The following GNA13 variants were observed in gnomAD, a reference collection of about 807,000 sequenced individuals.
GNA13 encodes G protein subunit alpha 13, also known as guanine nucleotide-binding protein subunit alpha-13.
Under a neutral mutation model 33.5 loss-of-function variants are expected in GNA13, and 4 were observed. That is an observed-to-expected ratio of 0.12 (90% CI 0.06 to 0.27). GNA13 has a LOEUF of 0.27. Ranked by LOEUF, GNA13 falls within the 10% of genes least tolerant of loss-of-function variation. GNA13 has a pLI of 1.00. For missense variants in GNA13, 319 were observed against 487.2 expected (o/e 0.65, Z 3.25); for synonymous variants, 176 against 183.8 (o/e 0.96, Z 0.34).
At chr17:65,048,070 G>A (rs1026808693) in intron 2 of GNA13, among the ~76,000 whole-genome samples, 13 of 152,144 alleles carry the variant, frequency 8.5e-5, no homozygotes, top group African/African-American at 2.9e-4. Context: ...TTCAGGAATT[G>A]CAAAGACAGA....
At chr17:65,056,076 C>CCGGGGAGACAAGCGGGAGAG (rs1191983594) in intron 1 of GNA13, among the ~76,000 whole-genome samples, 51 of 152,068 alleles carry the variant, frequency 3.4e-4, no homozygotes, top group Non-Finnish European at 5.7e-4. Flanking sequence ...GTGACGCCCA[C>CCGGGGAGACAAGCGGGAGAG]CGGGGAGACA....
In GNA13 at chr17:65,056,068, G is replaced by C. The variant is rs1257487833; in HGVS notation, c.283+243C>G. ...CGGTGGGGGGTGGGGGAATGGCCGT[G>C]ACGCCCACCGGGGAGACAAGCGGGA... On this transcript the variant is annotated intron_variant, in intron 1 of 3. Coordinates refer to ENST00000439174, the MANE Select transcript of GNA13 (RefSeq NM_006572.6). Among the ~76,000 whole-genome samples, 4 of 152,206 alleles carry C rather than the reference G, an allele frequency of 2.6e-5. No homozygotes were observed. In the East Asian group the frequency reaches 7.8e-4, roughly 30 times the overall value.
chr17:65,033,412 A>T (rs1907124786), intron 2 of GNA13, among the ~76,000 whole-genome samples: 1 of 152,072 alleles, frequency 6.6e-6, no homozygotes, highest in Non-Finnish European at 1.5e-5. Flanking sequence ...GCCTGAGCCC[A>T]GATGTGCAAG....
chr17:65,043,483 T>C (rs975577085), intron 2 of GNA13, among the ~76,000 whole-genome samples: 4 of 152,144 alleles, frequency 2.6e-5, no homozygotes, highest in Admixed American at 1.3e-4. Flanking sequence ...GGCAGGCTTT[T>C]AGCATGTTGC....
intron 2 of GNA13, among the ~76,000 whole-genome samples, chr17:65,050,698 T>C (rs1907830857): frequency 6.6e-6 from 1 of 152,028 alleles, no homozygotes; most frequent in Admixed American, 6.6e-5. Flanking sequence ...AACAGGGCAC[T>C]CCAGCCTGGG....
At chr17:65,023,381 A>C (rs1220130793) in intron 2 of GNA13, among the ~76,000 whole-genome samples, 2 of 152,208 alleles carry the variant, frequency 1.3e-5, no homozygotes, top group Non-Finnish European at 2.9e-5. Flanking sequence ...AAATTCTGAC[A>C]CAGTTCGATG....
At chr17:65,021,734 T>A (rs567692181) in intron 2 of GNA13, among the ~76,000 whole-genome samples, 1 of 152,264 alleles carries the variant, frequency 6.6e-6, no homozygotes, top group Non-Finnish European at 1.5e-5. Context: ...GCAACTCTGC[T>A]TATAGAAAAT....
At chr17:65,038,294 T>C (rs985030796) in intron 2 of GNA13, among the ~76,000 whole-genome samples, 1 of 152,070 alleles carries the variant, frequency 6.6e-6, no homozygotes, top group African/African-American at 2.4e-5. Flanking sequence ...TCTCAGCTAC[T>C]TGGGAAGCTG....
At chr17:65,048,534 C>T (rs112149265) in intron 2 of GNA13, among the ~76,000 whole-genome samples, 20 of 152,190 alleles carry the variant, frequency 1.3e-4, no homozygotes, top group Middle Eastern at 3.4e-3. Flanking sequence ...TAGAAAGGTA[C>T]CTTAAGTTAT....
chr17:65,027,005 C>T (rs1486496064), intron 2 of GNA13, among the ~76,000 whole-genome samples: 4 of 152,032 alleles, frequency 2.6e-5, no homozygotes, highest in Non-Finnish European at 4.4e-5. Context: ...CTCGAACTCC[C>T]GGCCTCAGGT....
intron 2 of GNA13, among the ~76,000 whole-genome samples, chr17:65,031,896 A>AGAG (rs1907040820): frequency 2.5e-3 from 180 of 71,430 alleles, no homozygotes; most frequent in East Asian, 9.1e-3. Context: ...GAGAGAGAGA[A>AGAG]AGAGAGAGAG....
chr17:65,039,227 T>G (rs1907371324), intron 2 of GNA13, among the ~76,000 whole-genome samples: 1 of 152,230 alleles, frequency 6.6e-6, no homozygotes, highest in Non-Finnish European at 1.5e-5. Context: ...TGAATCCATT[T>G]TCTTCTCTTA....
chr17:65,056,614 C>T lies in GNA13; in HGVS notation c.-21G>A, dbSNP rs1908073478. The stretch of plus-strand genomic sequence containing the variant: ...GCCATCTTGCCGCCGCCGCCGCCGC[C>T]TCGGCGGGCCCCTCCGGCTCCCTCC... On this transcript the variant is annotated 5_prime_UTR_variant, in exon 1 of 4. Transcript: ENST00000439174. 1.9e-6 allele frequency: 3 copies of T among 1,586,224 alleles called. No homozygotes were observed. The highest frequency in any genetic ancestry group is 3.4e-4 in the Middle Eastern group (2 of 5,956).
intron 2 of GNA13, among the ~76,000 whole-genome samples, chr17:65,018,618 T>C (rs1906468650): frequency 6.6e-6 from 1 of 152,208 alleles, no homozygotes; most frequent in South Asian, 2.1e-4. Flanking sequence ...AATTAGAAGA[T>C]GAAAACTGCT....
intron 2 of GNA13, among the ~76,000 whole-genome samples, chr17:65,050,177 G>C (rs2143828354): frequency 6.6e-6 from 1 of 152,282 alleles, no homozygotes. Flanking sequence ...TGGAGTCCAA[G>C]CAAGAGGTAG....
chr17:65,046,698 C>A (rs1045222338), intron 2 of GNA13, among the ~76,000 whole-genome samples: 6 of 152,164 alleles, frequency 3.9e-5, no homozygotes, highest in Admixed American at 3.3e-4. Flanking sequence ...AGTAAGCTCA[C>A]AAACCTTTTT....
chr17:65,016,268 CT>C (rs1906364144), intron 3 of GNA13, among the ~76,000 whole-genome samples: 1 of 152,212 alleles, frequency 6.6e-6, no homozygotes, highest in African/African-American at 2.4e-5. Flanking sequence ...CAATGCTGCA[CT>C]TTATGCCTTT....
At chr17:65,030,453 T>C (rs1263578272) in intron 2 of GNA13, among the ~76,000 whole-genome samples, 2 of 152,366 alleles carry the variant, frequency 1.3e-5, no homozygotes, top group East Asian at 1.9e-4. Flanking sequence ...ATTCTGATAA[T>C]GAGAATGTTA....
At chr17:65,048,338 C>T in intron 2 of GNA13, among the ~76,000 whole-genome samples, 1 of 151,530 alleles carries the variant, frequency 6.6e-6, no homozygotes, top group African/African-American at 2.5e-5. Flanking sequence ...CTTTATTCAT[C>T]TGAGTTACCA....
Sources: allele counts gnomAD v4.1 joint callset (sites outside exome capture counted in the v4.1 genomes callset), GRCh38; gene constraint gnomAD v4.1.1; transcripts MANE v1.5; gene names NCBI Gene and HGNC (gene_info 2026-07-23, HGNC 2026-07-21).